Variants in PCDH11X observed in about 807,000 individuals in gnomAD.
The protein encoded by PCDH11X is protocadherin-11 X-linked.
A neutral mutation model predicts 53.3 loss-of-function variants in PCDH11X; 18 were observed. The ratio of observed to expected loss-of-function variants is 0.34; its 90% CI spans 0.23 to 0.50. The LOEUF is 0.50. Ranked by LOEUF, PCDH11X falls within the 20% of genes least tolerant of loss-of-function variation. The pLI, the probability that PCDH11X is intolerant of heterozygous loss-of-function variation, is 0.98. For missense variants in PCDH11X, 570 were observed against 1,032.4 expected (o/e 0.55, Z 6.14); for synonymous variants, 279 against 393.3 (o/e 0.71, Z 3.44).
At chrX:92,049,460 A>C (rs1183629363) in intron 6 of PCDH11X, among the ~76,000 whole-genome samples, 4 of 110,311 alleles carry the variant, frequency 3.6e-5, no homozygotes, top group Non-Finnish European at 5.7e-5. Context: ...TAAAAAAAAA[A>C]CCAGAGCTTA....
At chrX:92,143,717 G>A (rs980124830) in intron 6 of PCDH11X, among the ~76,000 whole-genome samples, 1 of 112,530 alleles carries the variant, frequency 8.9e-6, no homozygotes, top group Admixed American at 9.4e-5. Flanking sequence ...TGGGGTTGGA[G>A]CCCCCACACA....
intron 6 of PCDH11X, among the ~76,000 whole-genome samples, chrX:92,047,928 G>A (rs2063313752): frequency 9.0e-6 from 1 of 111,537 alleles, no homozygotes; most frequent in African/African-American, 3.3e-5. Context: ...AGAGCTTTAA[G>A]TGCACAATGG....
At chrX:92,451,829 C>T (rs1251877809) in intron 9 of PCDH11X, among the ~76,000 whole-genome samples, 5 of 111,306 alleles carry the variant, frequency 4.5e-5, no homozygotes, top group African/African-American at 9.8e-5. Flanking sequence ...CCTTTAATTA[C>T]GTCAAATTCT....
At chrX:92,345,627 G>C (rs1266677385) in intron 8 of PCDH11X, among the ~76,000 whole-genome samples, 2 of 111,342 alleles carry the variant, frequency 1.8e-5, no homozygotes, top group Non-Finnish European at 3.8e-5. Context: ...TTTAATAACT[G>C]CAATAATGTC....
chrX:91,926,208 G>A (rs1941944144), intron 6 of PCDH11X, among the ~76,000 whole-genome samples: 1 of 108,721 alleles, frequency 9.2e-6, no homozygotes, highest in Admixed American at 9.9e-5. Flanking sequence ...TCAGCAGAGT[G>A]GATAACCAAG....
Position 92,256,289 on chromosome X carries a change from C to T in PCDH11X, c.3115-6825C>T, listed in dbSNP as rs758227078. 5.4e-3 allele frequency among the ~76,000 whole-genome samples: 597 copies of T among 110,817 alleles called. 3 individuals are homozygous for T. Among genetic ancestry groups the T allele is most frequent in the African/African-American group, 0.018 (559 of 30,572 alleles). On this transcript the variant is annotated intron_variant, in intron 7 of 10. Transcript: ENST00000682573. ...ACTTCCCGAGTGAGGCAATGCCTCACCCTGCTTCAGCTCGCGCACGGTGTG... is the reference window on the plus strand; with the variant it reads ...ACTTCCCGAGTGAGGCAATGCCTCATCCTGCTTCAGCTCGCGCACGGTGTG...
chrX:92,498,007 T>A (rs1387428310), intron 10 of PCDH11X, among the ~76,000 whole-genome samples: 2 of 112,028 alleles, frequency 1.8e-5, no homozygotes, highest in Non-Finnish European at 3.8e-5. Context: ...AGTCAAATAC[T>A]TTTTGATGAA....
intron 8 of PCDH11X, among the ~76,000 whole-genome samples, chrX:92,346,762 C>T (rs2069907196): frequency 9.0e-6 from 1 of 111,690 alleles, no homozygotes; most frequent in South Asian, 3.7e-4. Context: ...ATGGTGGCAG[C>T]CATAGATATT....
chrX:92,419,990 C>A (rs931967343), intron 9 of PCDH11X, among the ~76,000 whole-genome samples: 24 of 111,105 alleles, frequency 2.2e-4, no homozygotes, highest in Non-Finnish European at 3.6e-4. Flanking sequence ...TCTCTCTCCC[C>A]CTTTTCTTTT....
chrX:92,282,610 A>T (rs1289411513), intron 8 of PCDH11X, among the ~76,000 whole-genome samples: 1 of 111,730 alleles, frequency 9.0e-6, no homozygotes, highest in East Asian at 2.8e-4. Flanking sequence ...TGCTAAAATA[A>T]AATAGCATTT....
chrX:92,512,790 G>C (rs1284697250), intron 10 of PCDH11X, among the ~76,000 whole-genome samples: 1 of 111,494 alleles, frequency 9.0e-6, no homozygotes, highest in South Asian at 3.8e-4. Context: ...TCATGTAGTG[G>C]TTAAGACCAT....
chrX:91,817,657 T>A (rs1047973106), intron 4 of PCDH11X, among the ~76,000 whole-genome samples: 6 of 111,296 alleles, frequency 5.4e-5, no homozygotes, highest in South Asian at 3.7e-4. Flanking sequence ...GATTGAATTT[T>A]TAATCTGACT....
intron 6 of PCDH11X, among the ~76,000 whole-genome samples, chrX:92,010,341 G>GT (rs757342747): frequency 2.5e-4 from 27 of 109,790 alleles, no homozygotes; most frequent in Non-Finnish European, 2.5e-4. Flanking sequence ...ATTTTGAACA[G>GT]TGAAGCCAAT....
chrX:92,154,169 G>C (rs1479365184), intron 6 of PCDH11X, among the ~76,000 whole-genome samples: 2 of 110,832 alleles, frequency 1.8e-5, no homozygotes, highest in Non-Finnish European at 3.8e-5. Context: ...TGATTGGAAA[G>C]GAGGGCATTT....
chrX:91,942,677 A>G (rs1415026304), intron 6 of PCDH11X, among the ~76,000 whole-genome samples: 1 of 111,184 alleles, frequency 9.0e-6, no homozygotes, highest in Non-Finnish European at 1.9e-5. Context: ...CTGACAGTTA[A>G]AGTGGAGAGA....
At chrX:92,168,742 T>A in intron 6 of PCDH11X, among the ~76,000 whole-genome samples, 1 of 111,779 alleles carries the variant, frequency 8.9e-6, no homozygotes, top group Admixed American at 9.5e-5. Context: ...CAAAATCTCA[T>A]TTTAAAATTG....
chrX:92,115,836 G>A (rs1273455342), intron 6 of PCDH11X, among the ~76,000 whole-genome samples: 2 of 108,212 alleles, frequency 1.8e-5, no homozygotes, highest in Admixed American at 2.0e-4. Context: ...GACTGAGGGT[G>A]AGTTGGCCTT....
intron 6 of PCDH11X, among the ~76,000 whole-genome samples, chrX:92,189,294 G>A (rs899270980): frequency 5.4e-5 from 6 of 111,448 alleles, no homozygotes; most frequent in African/African-American, 2.0e-4. Flanking sequence ...CCACTTATAA[G>A]TGAGAACATG....
chrX:92,062,672 C>T (rs1361868104), intron 6 of PCDH11X, among the ~76,000 whole-genome samples: 5 of 111,546 alleles, frequency 4.5e-5, no homozygotes, highest in Non-Finnish European at 7.5e-5. Flanking sequence ...GTTAGAATGG[C>T]GATCATTAAA....
Sources: gnomAD v4.1 joint callset for allele counts (sites outside exome capture counted in the v4.1 genomes callset) on GRCh38, gnomAD v4.1.1 for gene constraint, MANE v1.5 for transcripts, NCBI Gene and HGNC (gene_info 2026-07-23, HGNC 2026-07-21) for gene names.